Variants in FAM83G observed in about 807,000 individuals in gnomAD.
FAM83G encodes the protein protein FAM83G.
FAM83G carries 38 observed loss-of-function variants against 61.5 expected under a neutral mutation model. The observed-to-expected ratio is 0.62, with a 90% CI of 0.48 to 0.81. The LOEUF (loss-of-function observed/expected upper bound fraction) is 0.81. Ranked by LOEUF, FAM83G falls within the 30% of genes least tolerant of loss-of-function variation. The probability of loss-of-function intolerance (pLI) is 0.00; values close to 1 mark genes in which losing one functional copy is unlikely to be tolerated. For missense variants in FAM83G, 989 were observed against 1,133.6 expected, an observed-to-expected ratio of 0.87 and a Z score of 1.83; for synonymous variants, 470 against 476.1, an observed-to-expected ratio of 0.99 and a Z score of 0.17.
chr17:19,005,325 A>G (rs1425597359), upstream of FAM83G, among the ~76,000 whole-genome samples: 3 of 152,306 alleles, frequency 2.0e-5, no homozygotes, highest in East Asian at 5.8e-4. Context: ...ACCCTAGGGC[A>G]GGGAGGGGCC....
intron 2 of FAM83G, among the ~76,000 whole-genome samples, chr17:18,989,728 G>A (rs1450178643): frequency 3.3e-5 from 5 of 152,238 alleles, no homozygotes; most frequent in Admixed American, 3.3e-4. Flanking sequence ...CATTTACAGG[G>A]GGTCTTGTCA....
At position 19,000,183 on chromosome 17, in the gene FAM83G, C is replaced by G. The variant is rs2095074491; in HGVS notation, c.522+3337G>C. ...CTCCTGGGGCTAGGGGAGGGGCAGG[C>G]AGTTGACCTTCCATCTTGGAGTAGG... On this transcript the variant is annotated intron_variant, in intron 2 of 5. Transcript: ENST00000388995. The surrounding 1 kb of genome is among the most constrained non-coding windows in gnomAD (Gnocchi z 5.2). 6.6e-6 allele frequency among the ~76,000 whole-genome samples: 1 copy of G among 152,154 alleles called. No individual in the cohort carries two copies. The highest frequency in any genetic ancestry group is 2.1e-4 in the South Asian group (1 of 4,834).
intron 2 of FAM83G, among the ~76,000 whole-genome samples, chr17:18,992,203 G>A (rs1028325522): frequency 9.2e-5 from 14 of 152,238 alleles, no homozygotes; most frequent in Admixed American, 2.0e-4. Context: ...CAGTGGATCC[G>A]CCGGCCTTCT....
In FAM83G at chr17:18,969,725, G is replaced by C. The variant is rs1272634325; in HGVS notation, c.*1634C>G. The C allele has an allele frequency of 1.7e-5, 6 of 351,376 alleles. No homozygotes were observed. The highest frequency in any genetic ancestry group is 9.0e-5 in the Admixed American group (2 of 22,270). The allele number at this position is 351,376 out of a possible 1,614,324, so 21.8% of individuals were successfully genotyped here. A position where few individuals can be genotyped will look rare whatever the true frequency, so the allele number is the denominator to read the frequency against. On this transcript the variant is annotated 3_prime_UTR_variant, in exon 6 of 6. Transcript: ENST00000388995. ...CCGCATTGGCTCAGCGCTTGATGGT[G>C]AGGTGGGGCTGTAGGCGGGTGTGAA...
chr17:18,977,007 C>G lies in FAM83G; in HGVS notation c.2082+577G>C, dbSNP rs112313380. On this transcript the variant is annotated intron_variant, in intron 5 of 5. Transcript: ENST00000388995. ...GTTCCCAGGTAGGACGGGCTCCGGG[C>G]ACTGAACCCAGGCTGCAGGGCACCC... 2.0e-4 allele frequency: 321 copies of G among 1,609,730 alleles called. No individual in the cohort carries two copies. In the African/African-American group the frequency reaches 3.6e-3, roughly 18 times the overall value.
chr17:18,986,356 T>C (rs2043268517), intron 3 of FAM83G: 1 of 152,238 alleles, frequency 6.6e-6, no homozygotes, highest in South Asian at 2.1e-4. Flanking sequence ...TATTTGTAGT[T>C]GTTTATTATT....
intron 3 of FAM83G, among the ~76,000 whole-genome samples, chr17:18,987,895 G>A (rs2043310617): frequency 6.6e-6 from 1 of 152,234 alleles, no homozygotes; most frequent in African/African-American, 2.4e-5. Context: ...GCTACCTGAG[G>A]AGGCAGTGAG....
chr17:18,999,927 C>G (rs1304307377), intron 2 of FAM83G, among the ~76,000 whole-genome samples: 1 of 152,208 alleles, frequency 6.6e-6, no homozygotes, highest in East Asian at 1.9e-4. Flanking sequence ...CTGCTAAGGC[C>G]CCCCTGCTGT....
At chr17:18,984,266 C>T (rs1033228166) in intron 3 of FAM83G, among the ~76,000 whole-genome samples, 4 of 145,080 alleles carry the variant, frequency 2.8e-5, no homozygotes, top group African/African-American at 8.0e-5. Context: ...GGCACGAACC[C>T]GGGAGGCAGA....
chr17:18,970,967 GC>G lies in FAM83G; in HGVS notation c.*391del, dbSNP rs2042826403. 1 of 1,586,958 alleles carries G rather than the reference GC, an allele frequency of 6.3e-7. No individual in the cohort carries two copies. The highest frequency in any genetic ancestry group is 1.1e-5 in the South Asian group (1 of 90,464). On this transcript the variant is annotated 3_prime_UTR_variant, in exon 6 of 6. Coordinates refer to ENST00000388995, the MANE Select transcript of FAM83G (RefSeq NM_001039999.3). The stretch of plus-strand genomic sequence containing the variant: ...GCAGGGGGGAGCCCAGGGAGTCAGG[GC>G]CCCGCAACCACCAAACTGTCCCTGT...
At position 18,982,303 on chromosome 17, in the gene FAM83G, C is replaced by T. The variant is rs566873556; in HGVS notation, c.691-2630G>A. Among the ~76,000 whole-genome samples the T allele has an allele frequency of 2.5e-3, 385 of 152,280 alleles. 1 individual carries two copies. Among genetic ancestry groups the T allele is most frequent in the African/African-American group, 9.0e-3 (374 of 41,560 alleles). ...CTGCAGCAGGGCCCCCCACCTCTTG[C>T]CTCATGGCCTGCTCCCCAGCTTGTG... On this transcript the variant is annotated intron_variant, in intron 3 of 5. Coordinates refer to ENST00000388995, the MANE Select transcript of FAM83G (RefSeq NM_001039999.3).
In FAM83G at chr17:18,969,516, TG is replaced by T; in HGVS notation, c.*1842del. The T allele has an allele frequency of 8.2e-7, 1 of 1,216,240 alleles. No homozygotes were observed. 75.3% of individuals were successfully genotyped at this position (1,216,240 alleles called of 1,614,324 possible). A position where few individuals can be genotyped will look rare whatever the true frequency, so the allele number is the denominator to read the frequency against. On this transcript the variant is annotated 3_prime_UTR_variant, in exon 6 of 6. Coordinates refer to ENST00000388995, the MANE Select transcript of FAM83G (RefSeq NM_001039999.3). ...CGGCACTGTGCAGGATTCATGCCGT[TG>T]GGGTTCTGGGTAGCATCGCTGGGAG...
In FAM83G at chr17:18,969,394, G is replaced by C. The variant is rs1359174829; in HGVS notation, c.*1965C>G. 1 of 1,613,842 alleles carries C rather than the reference G, an allele frequency of 6.2e-7. No individual in the cohort carries two copies. On this transcript the variant is annotated 3_prime_UTR_variant, in exon 6 of 6. Coordinates refer to ENST00000388995, the MANE Select transcript of FAM83G (RefSeq NM_001039999.3). ...ACGCCCTGCAGACGCTCATCATGGT[G>C]GTGGGGGCTGTCATCCTGACAATCA... is the stretch of plus-strand genomic sequence containing the variant.
chr17:18,988,723 C>G (rs2043331733), intron 2 of FAM83G, among the ~76,000 whole-genome samples: 1 of 152,260 alleles, frequency 6.6e-6, no homozygotes, highest in Non-Finnish European at 1.5e-5. Flanking sequence ...CCTGATGTGT[C>G]AATGACCGGA....
chr17:18,989,896 T>A (rs1235096490), intron 2 of FAM83G, among the ~76,000 whole-genome samples: 4 of 152,104 alleles, frequency 2.6e-5, no homozygotes, highest in Non-Finnish European at 5.9e-5. Context: ...AGGGTTGGTC[T>A]CCAGTACCTT....
intron 5 of FAM83G, chr17:18,977,096 G>A (rs1218878387): frequency 2.0e-6 from 3 of 1,492,780 alleles, no homozygotes; most frequent in Non-Finnish European, 2.7e-6. Flanking sequence ...GATGTGAACT[G>A]TTCCCCAACC....
chr17:18,979,429 G>A (rs767175500), intron 4 of FAM83G, 120 bp downstream of exon 4: 21 of 1,268,228 alleles, frequency 1.7e-5, no homozygotes, highest in East Asian at 5.1e-5. Context: ...CCAGCCCTGC[G>A]CACACCTCAG....
chr17:18,977,071 A>G (rs2042998894), intron 5 of FAM83G: 2 of 1,571,282 alleles, frequency 1.3e-6, no homozygotes, highest in African/African-American at 2.7e-5. Context: ...TCACCAGAAG[A>G]AGAGGCAAAG....
chr17:19,002,683 A>G (rs1347787318), intron 2 of FAM83G, among the ~76,000 whole-genome samples: 1 of 152,230 alleles, frequency 6.6e-6, no homozygotes, highest in Non-Finnish European at 1.5e-5. Context: ...AGGCATTAGC[A>G]CCTGCTCATG....
Sources: allele counts gnomAD v4.1 joint callset (sites outside exome capture counted in the v4.1 genomes callset), GRCh38; gene constraint gnomAD v4.1.1; non-coding constraint Gnocchi (gnomAD v3.1); transcripts MANE v1.5; gene names NCBI Gene and HGNC (gene_info 2026-07-23, HGNC 2026-07-21).